The following CREB3L3 variants were observed in gnomAD, a reference collection of about 807,000 sequenced individuals.
The protein encoded by CREB3L3 is cyclic AMP-responsive element-binding protein 3-like protein 3.
A neutral mutation model predicts 44.6 loss-of-function variants in CREB3L3; 40 were observed. The observed-to-expected ratio is 0.90, with a 90% CI of 0.70 to 1.17. The LOEUF (loss-of-function observed/expected upper bound fraction) is 1.17. CREB3L3 is among the 50% of genes most tolerant of loss of function. The probability of loss-of-function intolerance (pLI) is 0.00; values close to 1 mark genes in which losing one functional copy is unlikely to be tolerated. For missense variants in CREB3L3, 578 were observed against 595.8 expected, an observed-to-expected ratio of 0.97 and a Z score of 0.31; for synonymous variants, 273 against 256.3, an observed-to-expected ratio of 1.06 and a Z score of -0.62.
chr19:4,162,767 C>T (rs2041676364), intron 4 of CREB3L3, among the ~76,000 whole-genome samples: 2 of 146,636 alleles, frequency 1.4e-5, no homozygotes, highest in African/African-American at 5.1e-5. Context: ...TTGCTTGAGC[C>T]CAGGAGTTTG....
rs762422687 is a variant in CREB3L3, at chr19:4,171,961, G to A, written c.1378G>A (p.Glu460Lys). 1.2e-5 allele frequency: 19 copies of A among 1,595,060 alleles called. No individual in the cohort carries two copies. Among genetic ancestry groups the A allele is most frequent in the East Asian group, 6.8e-5 (3 of 44,110 alleles). Residue 460 changes from glutamate to lysine, a missense_variant, in exon 10 of 10, where the codon GAG becomes AAG. Transcript: ENST00000078445. This position sits in a 1 kb window ranked among gnomAD's most constrained non-coding sequence, Gnocchi z 4.9. ...TGCAGGGCTGGAGGCGGCGGGAGACGAGCTGTGAGCCCCGCCAGGACTATG... is the reference window on the plus strand; with the variant it reads ...TGCAGGGCTGGAGGCGGCGGGAGACAAGCTGTGAGCCCCGCCAGGACTATG... ...GRAGLEAAGD[E>K]L
intron 5 of CREB3L3, among the ~76,000 whole-genome samples, 153 bp downstream of exon 5, chr19:4,164,793 C>A (rs1404239850): frequency 6.6e-6 from 1 of 152,150 alleles, no homozygotes; most frequent in African/African-American, 2.4e-5. Context: ...GCTGCAACCT[C>A]TGCCTCTCAG....
At chr19:4,165,141 G>A (rs2041708937) in intron 5 of CREB3L3, among the ~76,000 whole-genome samples, 1 of 151,956 alleles carries the variant, frequency 6.6e-6, no homozygotes, top group South Asian at 2.1e-4. Context: ...ATGAATGGCG[G>A]ACTCCAGGTG....
At position 4,159,787 on chromosome 19, in the gene CREB3L3, G is replaced by A. The variant is rs369523708; in HGVS notation, c.576+5G>A. The A allele has an allele frequency of 3.4e-5, 42 of 1,245,066 alleles. No homozygotes were observed. The highest frequency in any genetic ancestry group is 4.7e-5 in the Non-Finnish European group (40 of 843,130). The allele number at this position is 1,245,066 out of a possible 1,614,324, so 77.1% of individuals were successfully genotyped here. ...TCGGGCAGCAGTGGGGACCTGGTGAGCACCCCCACACCCTCCCATGGGGCG... is the reference window on the plus strand; with the variant it reads ...TCGGGCAGCAGTGGGGACCTGGTGAACACCCCCACACCCTCCCATGGGGCG... On this transcript the variant is annotated splice_donor_5th_base_variant and intron_variant, in intron 4 of 9. Coordinates refer to ENST00000078445, the MANE Select transcript of CREB3L3 (RefSeq NM_032607.3).
chr19:4,170,281 G>A (rs1303123566), intron 7 of CREB3L3, 73 bp downstream of exon 7: 6 of 1,433,580 alleles, frequency 4.2e-6, no homozygotes, highest in Admixed American at 3.4e-5. Flanking sequence ...AGAGCAGAGA[G>A]CCCATGTGAT....
chr19:4,155,378 TGAA>T (rs2041558551), intron 2 of CREB3L3, among the ~76,000 whole-genome samples: 1 of 151,138 alleles, frequency 6.6e-6, no homozygotes, highest in African/African-American at 2.4e-5. Flanking sequence ...TTTTTTTTTT[TGAA>T]GGAGTCTCGC....
At position 4,172,693 on chromosome 19, in the gene CREB3L3, CCAGA is replaced by C. The variant is rs1261208309; in HGVS notation, c.*739_*742del. ...CAGACAGACACAGCCTGAAACAGACCCAGACAGACAGACAGACACAGCCTGAAAC... is the reference window on the plus strand; with the variant it reads ...CAGACAGACACAGCCTGAAACAGACCCAGACAGACAGACACAGCCTGAAAC... On this transcript the variant is annotated 3_prime_UTR_variant, in exon 10 of 10. Transcript: ENST00000078445. The C allele has an allele frequency of 1.1e-3, 246 of 226,818 alleles. No homozygotes were observed. The highest frequency in any genetic ancestry group is 3.6e-3 in the Middle Eastern group (2 of 548). 14.1% of individuals were successfully genotyped at this position (226,818 alleles called of 1,614,324 possible). A position where few individuals can be genotyped will look rare whatever the true frequency, so the allele number is the denominator to read the frequency against.
intron 4 of CREB3L3, among the ~76,000 whole-genome samples, chr19:4,161,225 G>C (rs974591652): frequency 7.9e-5 from 12 of 152,092 alleles, no homozygotes; most frequent in African/African-American, 2.9e-4. Context: ...GCCTCCCAAA[G>C]TGCTGGGATT....
At position 4,154,969 on chromosome 19, in the gene CREB3L3, A is replaced by C; in HGVS notation, c.98A>C (p.Gln33Pro). The C allele has an allele frequency of 6.2e-7, 1 of 1,613,296 alleles. No individual in the cohort carries two copies. The highest frequency in any genetic ancestry group is 8.5e-7 in the Non-Finnish European group (1 of 1,180,018). Residue 33 changes from glutamine (Q) to proline (P), a missense_variant, in exon 2 of 10, where the codon CAG (glutamine) becomes CCG (proline). Gln to Pro is a moderately conservative substitution (Grantham distance 76, BLOSUM62 -1). Coordinates refer to ENST00000078445, the MANE Select transcript of CREB3L3 (RefSeq NM_032607.3). The part of the protein sequence containing the change: ...FELLDLLFDR[Q>P]DGILRHVELG... ...CTCCTGGATCTCCTGTTTGACCGGCAGGACGGCATCCTGAGACACGTGGAG... is the reference window on the plus strand; with the variant it reads ...CTCCTGGATCTCCTGTTTGACCGGCCGGACGGCATCCTGAGACACGTGGAG...
In CREB3L3 at chr19:4,171,793, G is replaced by C; in HGVS notation, c.1210G>C (p.Gly404Arg). ...TCCAGGAAGCCCCGGGGCAGACTGGGGCTTCCAGGACACCGCGAACCTGAC... is the reference window on the plus strand; with the variant it reads ...TCCAGGAAGCCCCGGGGCAGACTGGCGCTTCCAGGACACCGCGAACCTGAC... Reference protein sequence around the residue: ...ESPGSPGADWGFQDTANLTNS... With the variant: ...ESPGSPGADWRFQDTANLTNS... The change falls in exon 10 of 10, where the codon GGC becomes CGC. Residue 404 changes from glycine (G) to arginine (R), a missense_variant. Physicochemically the swap from Gly to Arg is moderately radical, Grantham distance 125 (BLOSUM62 -2). Transcript: ENST00000078445. The surrounding 1 kb of genome is among the most constrained non-coding windows in gnomAD (Gnocchi z 4.9). 6.2e-7 allele frequency: 1 copy of C among 1,613,538 alleles called. No individual in the cohort carries two copies. Among genetic ancestry groups the C allele is most frequent in the Non-Finnish European group, 8.5e-7 (1 of 1,180,004 alleles).
At chr19:4,163,568 C>G (rs909142238) in intron 4 of CREB3L3, among the ~76,000 whole-genome samples, 5 of 152,016 alleles carry the variant, frequency 3.3e-5, no homozygotes, top group Admixed American at 6.6e-5. Flanking sequence ...TTTCTGTCGC[C>G]CAGGCTGGAT....
rs752034211 is a variant in CREB3L3 at position 4,164,506 on chromosome 19, C to T, written c.580C>T (p.Gln194Ter). ...ATTCCTCTGATTTTTTCCGTAGCAA[C>T]AGCATCACCTGGGGGCCTCCTACCT... Reference protein sequence around the residue: ...LLSGSSGDLQQHHLGASYLLR... With the variant: ...LLSGSSGDLQ The change falls in exon 5 of 10, where the codon CAG becomes TAG. Residue 194 changes from glutamine to a stop codon, truncating the protein, a stop_gained. Transcript: ENST00000078445. LOFTEE classifies it high-confidence loss of function. 3 of 1,614,064 alleles carry T rather than the reference C, an allele frequency of 1.9e-6. No homozygotes were observed. The highest frequency in any genetic ancestry group is 1.1e-5 in the South Asian group (1 of 91,090).
chr19:4,167,352 A>AAGAAAGAAAGAAAGAG (rs377740874), intron 5 of CREB3L3, among the ~76,000 whole-genome samples: 16 of 130,144 alleles, frequency 1.2e-4, no homozygotes, highest in African/African-American at 4.7e-4. Context: ...GAAAGAAAGA[A>AAGAAAGAAAGAAAGAG]AGAGAGAGAG....
chr19:4,170,292 G>C (rs1450983344), intron 7 of CREB3L3, 84 bp downstream of exon 7: 1 of 1,326,212 alleles, frequency 7.5e-7, no homozygotes, highest in Non-Finnish European at 1.1e-6. Context: ...CCCATGTGAT[G>C]GCAGAATGAC....
chr19:4,171,904 GTGGCGCC>G lies in CREB3L3; in HGVS notation c.1325_1331del (p.Ala442GlyfsTer72). On this transcript the variant is annotated frameshift_variant, in exon 10 of 10. Transcript: ENST00000078445. LOFTEE classifies it low-confidence loss of function (END_TRUNC). The surrounding 1 kb of genome is among the most constrained non-coding windows in gnomAD (Gnocchi z 4.9). ...GGGCCAGGTCGCCCTGCTGGACTGG[GTGGCGCC>G]TGGGCCGAGCACTGGCTCAGGACGT... 6.2e-7 allele frequency: 1 copy of G among 1,612,450 alleles called. No homozygotes were observed. Among genetic ancestry groups the G allele is most frequent in the Non-Finnish European group, 8.5e-7 (1 of 1,179,686 alleles).
At chr19:4,169,475 A>G (rs1043761563) in intron 6 of CREB3L3, among the ~76,000 whole-genome samples, 15 of 151,974 alleles carry the variant, frequency 9.9e-5, no homozygotes, top group Admixed American at 5.9e-4. Flanking sequence ...GCGAGACTCC[A>G]TCTCAAAAAA....
At chr19:4,154,349 G>C (rs761458125) in intron 1 of CREB3L3, among the ~76,000 whole-genome samples, 33 of 152,066 alleles carry the variant, frequency 2.2e-4, no homozygotes, top group Non-Finnish European at 2.2e-4. Context: ...TGGGATTACA[G>C]ATGTGAGCCA....
At chr19:4,158,888 C>G (rs1189036016) in intron 3 of CREB3L3, among the ~76,000 whole-genome samples, 2 of 152,020 alleles carry the variant, frequency 1.3e-5, no homozygotes, top group African/African-American at 4.8e-5. Context: ...GGATTAGAAC[C>G]AAGGGTTACC....
At chr19:4,158,450 TCATG>T (rs1412356808) in intron 3 of CREB3L3, among the ~76,000 whole-genome samples, 1 of 151,668 alleles carries the variant, frequency 6.6e-6, no homozygotes, top group East Asian at 1.9e-4. Flanking sequence ...TGAGCTGAGA[TCATG>T]CCACTGCACT....
Sources: gnomAD v4.1 joint callset for allele counts (sites outside exome capture counted in the v4.1 genomes callset) on GRCh38, gnomAD v4.1.1 for gene constraint, Gnocchi (gnomAD v3.1) non-coding constraint, MANE v1.5 for transcripts, NCBI Gene and HGNC (gene_info 2026-07-23, HGNC 2026-07-21) for gene names.